ADAM22: variants seen among roughly 807,000 people sequenced by gnomAD.
ADAM22 encodes the protein disintegrin and metalloproteinase domain-containing protein 22.
In ADAM22, 65 loss-of-function variants were observed where a neutral mutation model predicts 144.6. That is an observed-to-expected ratio of 0.45 (90% CI 0.37 to 0.55). The LOEUF (loss-of-function observed/expected upper bound fraction) is 0.55, where lower values mean the gene tolerates loss of function less well. Among genes scored for constraint, ADAM22 ranks in the 20% least tolerant of loss-of-function variants. ADAM22 has a pLI of 0.00. For missense variants in ADAM22, 974 were observed against 1,184.9 expected (o/e 0.82, Z 2.61); for synonymous variants, 391 against 412.6 (o/e 0.95, Z 0.63).
At chr7:88,164,732 G>A (rs1842563372) in intron 23 of ADAM22, among the ~76,000 whole-genome samples, 1 of 151,994 alleles carries the variant, frequency 6.6e-6, no homozygotes, top group Non-Finnish European at 1.5e-5. Context: ...AACAAGACTG[G>A]GATATGGCAA....
At chr7:88,163,544 A>C (rs1397756660) in intron 23 of ADAM22, among the ~76,000 whole-genome samples, 1 of 152,190 alleles carries the variant, frequency 6.6e-6, no homozygotes, top group East Asian at 1.9e-4. Context: ...CAGTATTTAA[A>C]AACGATGTGG....
chr7:88,042,326 A>G (rs1235254677), intron 3 of ADAM22, among the ~76,000 whole-genome samples: 3 of 151,990 alleles, frequency 2.0e-5, no homozygotes, highest in Non-Finnish European at 2.9e-5. Context: ...TGTAGGGAGG[A>G]AAAATGTGAG....
At chr7:88,168,108 T>C (rs777422739) in intron 24 of ADAM22, 29 bp from the exon 25 acceptor site, 2 of 1,589,974 alleles carry the variant, frequency 1.3e-6, no homozygotes, top group Non-Finnish European at 1.7e-6. Context: ...ATACCACTGA[T>C]CTTCCTTCTT....
intron 11 of ADAM22, 128 bp downstream of exon 11, chr7:88,131,563 T>G: frequency 2.1e-6 from 2 of 961,146 alleles, no homozygotes; most frequent in Non-Finnish European, 3.1e-6. Flanking sequence ...CAGATAGATT[T>G]GGAAAAAGTT....
At chr7:87,951,992 G>T (rs1275147668) in intron 2 of ADAM22, among the ~76,000 whole-genome samples, 2 of 149,192 alleles carry the variant, frequency 1.3e-5, no homozygotes, top group Admixed American at 1.3e-4. Flanking sequence ...CATTGATTTT[G>T]TATCCTGAGA....
intron 2 of ADAM22, among the ~76,000 whole-genome samples, chr7:87,961,506 AT>A (rs1194055207): frequency 6.6e-6 from 1 of 152,156 alleles, no homozygotes; most frequent in Non-Finnish European, 1.5e-5. Flanking sequence ...AATGTAATGC[AT>A]TTGGATTCTT....
intron 3 of ADAM22, among the ~76,000 whole-genome samples, chr7:88,019,032 A>T (rs2129464152): frequency 6.6e-6 from 1 of 151,988 alleles, no homozygotes; most frequent in Admixed American, 6.6e-5. Context: ...TAGTGGTTTT[A>T]TTTTTTGCCA....
rs192728312 is a variant in ADAM22 at position 88,200,929 on chromosome 7, G to A, written c.*4438G>A. 3 of 152,368 alleles carry A rather than the reference G, an allele frequency of 2.0e-5. No individual in the cohort carries two copies. The East Asian group carries it at 5.8e-4, about 29-fold the overall frequency. 9.4% of individuals were successfully genotyped at this position (152,368 alleles called of 1,614,324 possible). A position where few individuals can be genotyped will look rare whatever the true frequency, so the allele number is the denominator to read the frequency against. On this transcript the variant is annotated 3_prime_UTR_variant, in exon 32 of 32. Transcript: ENST00000413139. ...GTCTGCTCTTGTGAAAATTGGCTGA[G>A]CGGCAGCAGCCCATCCCAGCTGTGT... is the stretch of plus-strand genomic sequence containing the variant.
In ADAM22 at chr7:88,075,660, A is replaced by G; in HGVS notation, c.358A>G (p.Ile120Val). The G allele has an allele frequency of 6.2e-7, 1 of 1,613,914 alleles. No homozygotes were observed. ...LLSSEYIERH[I>V]EHGGKTVEVK... ...GTCCTCTGAATACATAGAGAGACACATTGAACATGGAGGCAAGACTGTGGA... is the reference window on the plus strand; with the variant it reads ...GTCCTCTGAATACATAGAGAGACACGTTGAACATGGAGGCAAGACTGTGGA... Residue 120 changes from isoleucine (I) to valine (V), a missense_variant, in exon 4 of 32, where the codon ATT (isoleucine) becomes GTT (valine). By Grantham distance (29) the Ile-to-Val change is conservative. Around this residue, in one of 2 missense-constraint regions of ADAM22, gnomAD observed 240 missense variants for 234.3 expected, o/e 1.02. Transcript: ENST00000413139.
At chr7:88,134,200 T>C in intron 12 of ADAM22, 129 bp from the exon 13 acceptor site, 1 of 626,402 alleles carries the variant, frequency 1.6e-6, no homozygotes, top group South Asian at 2.1e-5. Context: ...GGCTACAGTG[T>C]GTTCAGCCTC....
At chr7:88,118,555 G>C (rs1432697386) in intron 7 of ADAM22, among the ~76,000 whole-genome samples, 1 of 151,748 alleles carries the variant, frequency 6.6e-6, no homozygotes. Context: ...ACTGGGAGCA[G>C]TCAACATTAA....
intron 4 of ADAM22, among the ~76,000 whole-genome samples, chr7:88,082,547 G>C (rs1016738144): frequency 2.8e-4 from 43 of 152,214 alleles, no homozygotes; most frequent in African/African-American, 9.4e-4. Context: ...AGAGTGAACA[G>C]GCAACCTACA....
At chr7:88,063,944 G>A (rs183065781) in intron 3 of ADAM22, among the ~76,000 whole-genome samples, 8 of 152,284 alleles carry the variant, frequency 5.3e-5, no homozygotes, top group Admixed American at 2.6e-4. Flanking sequence ...ATTGGAGACT[G>A]AGCTCCACCA....
chr7:88,027,632 T>C (rs1297067538), intron 3 of ADAM22, among the ~76,000 whole-genome samples: 3 of 152,138 alleles, frequency 2.0e-5, no homozygotes, highest in Non-Finnish European at 2.9e-5. Context: ...ATTTTGTTTA[T>C]CTTTTCAGAA....
intron 3 of ADAM22, among the ~76,000 whole-genome samples, chr7:88,058,773 A>G (rs1384689480): frequency 6.6e-6 from 1 of 152,222 alleles, no homozygotes; most frequent in Middle Eastern, 3.2e-3. Context: ...CCTGAAAAGC[A>G]TAAAGCTTAT....
At chr7:87,992,454 C>T (rs1398392401) in intron 3 of ADAM22, among the ~76,000 whole-genome samples, 1 of 152,054 alleles carries the variant, frequency 6.6e-6, no homozygotes, top group Non-Finnish European at 1.5e-5. Context: ...TGAATGTTAA[C>T]GTTAGTACGT....
At chr7:88,130,674 A>G (rs1831534963) in intron 10 of ADAM22, among the ~76,000 whole-genome samples, 1 of 152,126 alleles carries the variant, frequency 6.6e-6, no homozygotes, top group South Asian at 2.1e-4. Flanking sequence ...TATGCTTGAA[A>G]TTCCATCCTA....
intron 5 of ADAM22, among the ~76,000 whole-genome samples, chr7:88,112,417 A>G (rs754570015): frequency 2.0e-5 from 3 of 152,214 alleles, no homozygotes; most frequent in Non-Finnish European, 2.9e-5. Context: ...TCAATGAAAG[A>G]CAAATACTAG....
chr7:88,037,450 C>T (rs1474749220), intron 3 of ADAM22, among the ~76,000 whole-genome samples: 5 of 151,938 alleles, frequency 3.3e-5, no homozygotes, highest in East Asian at 1.9e-4. Context: ...TTTACATATG[C>T]AAGAAATAAA....
Sources: gnomAD v4.1 joint callset for allele counts (sites outside exome capture counted in the v4.1 genomes callset) on GRCh38, gnomAD v4.1.1 for gene constraint, gnomAD v4.1.1 regional missense constraint, MANE v1.5 for transcripts, NCBI Gene and HGNC (gene_info 2026-07-23, HGNC 2026-07-21) for gene names.